The following EPB41L4B variants were observed in gnomAD, a reference collection of about 807,000 sequenced individuals.
EPB41L4B encodes band 4.1-like protein 4B.
Under a neutral mutation model 112.5 loss-of-function variants are expected in EPB41L4B, and 30 were observed. The observed-to-expected ratio is 0.27, with a 90% confidence interval of 0.20 to 0.36. The LOEUF (loss-of-function observed/expected upper bound fraction) is 0.36, where lower values mean the gene tolerates loss of function less well. EPB41L4B is among the 10% of genes least tolerant of loss of function. The probability of loss-of-function intolerance (pLI) is 1.00; values close to 1 mark genes in which losing one functional copy is unlikely to be tolerated. For synonymous variants in EPB41L4B, 408 were observed against 439.7 expected (o/e 0.93, Z 0.90); for missense variants, 1,024 against 1,133.3 (o/e 0.90, Z 1.38).
chr9:109,228,740 C>A (rs10816788), intron 15 of EPB41L4B, among the ~76,000 whole-genome samples: 16,275 of 152,238 alleles, frequency 0.11, 1,103 homozygotes, highest in Non-Finnish European at 0.15. Context: ...TTTGCCCCAA[C>A]TGAAGTGAGC....
At chr9:109,247,192 T>C (rs75722609) in intron 14 of EPB41L4B, among the ~76,000 whole-genome samples, 1 of 150,568 alleles carries the variant, frequency 6.6e-6, no homozygotes, top group Non-Finnish European at 1.5e-5. Flanking sequence ...TTTTTTTTTT[T>C]AATCAGGGGC....
At chr9:109,231,156 T>TAA (rs1833941098) in intron 15 of EPB41L4B, among the ~76,000 whole-genome samples, 19 of 100,854 alleles carry the variant, frequency 1.9e-4, no homozygotes, top group African/African-American at 9.2e-4. Flanking sequence ...AAACTCCATC[T>TAA]CAAAAAAAAA....
intron 1 of EPB41L4B, among the ~76,000 whole-genome samples, chr9:109,299,936 GA>G (rs1160347643): frequency 1.3e-5 from 2 of 152,190 alleles, no homozygotes; most frequent in African/African-American, 4.8e-5. Context: ...TATGAACAAA[GA>G]CACACCACTG....
chr9:109,237,750 C>A (rs573091064), intron 15 of EPB41L4B, among the ~76,000 whole-genome samples: 1 of 151,816 alleles, frequency 6.6e-6, no homozygotes, highest in Non-Finnish European at 1.5e-5. Context: ...GGTTACCAGC[C>A]CTGGTGTGTG....
intron 1 of EPB41L4B, among the ~76,000 whole-genome samples, chr9:109,307,805 G>A (rs1418614140): frequency 1.3e-5 from 2 of 151,564 alleles, no homozygotes; most frequent in African/African-American, 4.8e-5. Context: ...TGCCAGGGTT[G>A]AGAACCCTGG....
chr9:109,174,698 TC>T, intron 25 of EPB41L4B, 75 bp from the exon 26 acceptor site: 1 of 1,260,586 alleles, frequency 7.9e-7, no homozygotes, highest in Non-Finnish European at 1.1e-6. Flanking sequence ...AAGTATCATC[TC>T]CCAGGTTCTT....
At chr9:109,257,943 C>T (rs1483818800) in intron 7 of EPB41L4B, among the ~76,000 whole-genome samples, 2 of 152,150 alleles carry the variant, frequency 1.3e-5, no homozygotes, top group African/African-American at 4.8e-5. Context: ...ATTCAGTGAG[C>T]CAACATAGTG....
In EPB41L4B at chr9:109,207,946, T is replaced by A. The variant is rs771584226; in HGVS notation, c.1856A>T (p.Asn619Ile). 6.2e-7 allele frequency: 1 copy of A among 1,614,014 alleles called. No individual in the cohort carries two copies. The highest frequency in any genetic ancestry group is 1.7e-5 in the Admixed American group (1 of 59,994). ...CACCTGGATGTTCACTCGGGAAGCATTTTCCAACTGGGCTTTCAGAATGTT... is the reference window on the plus strand; with the variant it reads ...CACCTGGATGTTCACTCGGGAAGCAATTTCCAACTGGGCTTTCAGAATGTT... ...KCNILKAQLENASRVNIQGGK... is the reference protein window; with the variant it reads ...KCNILKAQLEIASRVNIQGGK... The change falls in exon 18 of 26, where the codon AAT becomes ATT. Residue 619 changes from asparagine (N) to isoleucine (I), a missense_variant. Asn to Ile is a moderately radical substitution (Grantham distance 149, BLOSUM62 -3). Transcript: ENST00000374566.
intron 23 of EPB41L4B, among the ~76,000 whole-genome samples, chr9:109,183,732 C>G (rs1832149558): frequency 6.6e-6 from 1 of 152,206 alleles, no homozygotes. Context: ...CAGCAGAGGG[C>G]TGCAGGCAAG....
chr9:109,269,952 T>C (rs1189652587), intron 2 of EPB41L4B, among the ~76,000 whole-genome samples: 1 of 152,148 alleles, frequency 6.6e-6, no homozygotes, highest in Non-Finnish European at 1.5e-5. Context: ...GATAATACAA[T>C]AAGCTGGGGG....
At chr9:109,176,487 C>T in intron 25 of EPB41L4B, 64 bp downstream of exon 25, 3 of 1,521,260 alleles carry the variant, frequency 2.0e-6, no homozygotes, top group Non-Finnish European at 1.8e-6. Flanking sequence ...ACACAATGAA[C>T]CTAGAGTCTC....
intron 2 of EPB41L4B, among the ~76,000 whole-genome samples, chr9:109,274,393 T>C (rs938362196): frequency 1.3e-5 from 2 of 152,128 alleles, no homozygotes; most frequent in South Asian, 2.1e-4. Flanking sequence ...TGTTCACCCT[T>C]TCTCTTGGAT....
chr9:109,301,685 T>C (rs1836972949), intron 1 of EPB41L4B, among the ~76,000 whole-genome samples: 1 of 152,238 alleles, frequency 6.6e-6, no homozygotes, highest in African/African-American at 2.4e-5. Context: ...ATATGCAGTT[T>C]TGGCTAATCT....
At chr9:109,285,653 G>C (rs1303408987) in intron 1 of EPB41L4B, among the ~76,000 whole-genome samples, 1 of 152,102 alleles carries the variant, frequency 6.6e-6, no homozygotes, top group African/African-American at 2.4e-5. Context: ...GTAGAATGAA[G>C]ACAAGGTGAT....
intron 15 of EPB41L4B, chr9:109,240,861 T>C (rs959235241): frequency 2.0e-6 from 2 of 985,322 alleles, no homozygotes; most frequent in South Asian, 9.4e-5. Flanking sequence ...GCAGCACCAA[T>C]CATTAAGACA....
rs138402548 is a variant in EPB41L4B at position 109,172,866 on chromosome 9, A to G, written c.*1688T>C. On this transcript the variant is annotated 3_prime_UTR_variant, in exon 26 of 26. Transcript: ENST00000374566. ...GGCATTACCTTTTTTTGTAGTCATT[A>G]GTATCAAATTATTGGCACCATTCAG... 1 of 152,796 alleles carries G rather than the reference A, an allele frequency of 6.5e-6. No homozygotes were observed. The highest frequency in any genetic ancestry group is 2.4e-5 in the African/African-American group (1 of 41,584). 9.5% of individuals were successfully genotyped at this position (152,796 alleles called of 1,614,324 possible).
rs758983596 is a variant in EPB41L4B at position 109,174,562 on chromosome 9, C to T, written c.2695G>A (p.Glu899Lys). 22 of 1,613,756 alleles carry T rather than the reference C, an allele frequency of 1.4e-5. No individual in the cohort carries two copies. The highest frequency in any genetic ancestry group is 9.3e-5 in the African/African-American group (7 of 74,896). ...EKMMKRLLMT[E>K]L ...GTGACAAGGGGAGAATTTCACAGTT[C>T]GGTCATCAACAGTCTTTTCATCATC... Residue 899 changes from glutamate (E) to lysine (K), a missense_variant, in exon 26 of 26, where the codon GAA becomes AAA. By Grantham distance (56) the Glu-to-Lys change is moderately conservative (BLOSUM62 1). Transcript: ENST00000374566.
At chr9:109,213,621 C>T in intron 17 of EPB41L4B, 79 bp downstream of exon 17, 2 of 1,191,400 alleles carry the variant, frequency 1.7e-6, no homozygotes, top group Non-Finnish European at 2.5e-6. Flanking sequence ...CTTGGTTTAG[C>T]AGGCAGGCTA....
At chr9:109,255,302 G>T (rs542514323) in intron 11 of EPB41L4B, among the ~76,000 whole-genome samples, 18 of 152,330 alleles carry the variant, frequency 1.2e-4, no homozygotes, top group African/African-American at 4.3e-4. Context: ...CTAAATGTCA[G>T]TTATTAACAA....
Sources: gnomAD v4.1 joint callset for allele counts (sites outside exome capture counted in the v4.1 genomes callset) on GRCh38, gnomAD v4.1.1 for gene constraint, MANE v1.5 for transcripts, NCBI Gene and HGNC (gene_info 2026-07-23, HGNC 2026-07-21) for gene names.